Variants in SHC4 observed in about 807,000 individuals in gnomAD.
The protein encoded by SHC4 is SHC-transforming protein 4.
SHC4 carries 41 observed loss-of-function variants against 69.4 expected under a neutral mutation model. The ratio of observed to expected loss-of-function variants is 0.59; its 90% CI spans 0.46 to 0.77. The LOEUF (loss-of-function observed/expected upper bound fraction) is 0.77, where lower values mean the gene tolerates loss of function less well. Ranked by LOEUF, SHC4 falls within the 30% of genes least tolerant of loss-of-function variation. The pLI, the probability that SHC4 is intolerant of heterozygous loss-of-function variation, is 0.00. For missense variants in SHC4, 777 were observed against 783.8 expected (o/e 0.99, Z 0.10); for synonymous variants, 318 against 299.3 (o/e 1.06, Z -0.64).
intron 6 of SHC4, among the ~76,000 whole-genome samples, chr15:48,863,425 T>C (rs1468080559): frequency 3.3e-5 from 5 of 152,210 alleles, no homozygotes; most frequent in African/African-American, 7.2e-5. Flanking sequence ...TTAGCTTTAA[T>C]TGCTGCATCA....
intron 2 of SHC4, among the ~76,000 whole-genome samples, chr15:48,911,650 G>C (rs1378694120): frequency 6.6e-6 from 1 of 151,890 alleles, no homozygotes; most frequent in Non-Finnish European, 1.5e-5. Flanking sequence ...TTTTGTTGTT[G>C]TTGTTTTTGC....
chr15:48,962,946 T>C lies in SHC4; in HGVS notation c.70A>G (p.Met24Val), dbSNP rs1901571734. 1 of 1,613,138 alleles carries C rather than the reference T, an allele frequency of 6.2e-7. No individual in the cohort carries two copies. The highest frequency in any genetic ancestry group is 8.5e-7 in the Non-Finnish European group (1 of 1,180,000). Residue 24 changes from methionine (M) to valine (V), a missense_variant, in exon 1 of 12, where the codon ATG (methionine) becomes GTG (valine). Met to Val is a conservative substitution (Grantham distance 21, BLOSUM62 1). Coordinates refer to ENST00000332408, the MANE Select transcript of SHC4 (RefSeq NM_203349.4). Reference protein sequence around the residue: ...LYVGLFGHPGMLHRAKYSRFR... With the variant: ...LYVGLFGHPGVLHRAKYSRFR... The stretch of plus-strand genomic sequence containing the variant: ...CGGCTGTACTTGGCCCTGTGCAGCA[T>C]CCCGGGGTGCCCGAAGAGTCCTACA...
At chr15:48,930,088 T>C (rs573650695) in intron 1 of SHC4, among the ~76,000 whole-genome samples, 1 of 152,268 alleles carries the variant, frequency 6.6e-6, no homozygotes, top group African/African-American at 2.4e-5. Context: ...GAATGATGAC[T>C]ACAAGCACGC....
intron 2 of SHC4, among the ~76,000 whole-genome samples, chr15:48,905,617 G>A (rs1400717005): frequency 6.6e-6 from 1 of 152,230 alleles, no homozygotes; most frequent in Non-Finnish European, 1.5e-5. Flanking sequence ...GACTCTGCAT[G>A]ATGAAGAAGG....
intron 10 of SHC4, among the ~76,000 whole-genome samples, chr15:48,837,080 G>A (rs1898912728): frequency 6.6e-6 from 1 of 152,176 alleles, no homozygotes; most frequent in Non-Finnish European, 1.5e-5. Flanking sequence ...ATGCATGCAC[G>A]CAGTGTGTGG....
intron 4 of SHC4, chr15:48,876,851 T>C: frequency 3.5e-6 from 1 of 289,264 alleles, no homozygotes; most frequent in Non-Finnish European, 6.7e-6. Flanking sequence ...GACACACCAA[T>C]GATCAATACT....
At chr15:48,910,830 T>C (rs2141016674) in intron 2 of SHC4, among the ~76,000 whole-genome samples, 1 of 152,304 alleles carries the variant, frequency 6.6e-6, no homozygotes, top group South Asian at 2.1e-4. Context: ...ACCCAAATGC[T>C]CATGCAAGAG....
chr15:48,937,478 T>C (rs1005244930), intron 1 of SHC4, among the ~76,000 whole-genome samples: 1 of 152,248 alleles, frequency 6.6e-6, no homozygotes, highest in South Asian at 2.1e-4. Context: ...AAAGCTGCTG[T>C]TCCATGTCAT....
chr15:48,873,713 C>T (rs1366290101), intron 4 of SHC4, among the ~76,000 whole-genome samples: 4 of 152,048 alleles, frequency 2.6e-5, no homozygotes, highest in African/African-American at 9.7e-5. Flanking sequence ...TGCACTCCAG[C>T]CTGGGCTACA....
intron 2 of SHC4, among the ~76,000 whole-genome samples, chr15:48,923,316 C>T (rs1417572212): frequency 6.6e-6 from 1 of 152,034 alleles, no homozygotes; most frequent in East Asian, 1.9e-4. Flanking sequence ...TTTGGGAGTC[C>T]AAGGCAGGTG....
intron 1 of SHC4, among the ~76,000 whole-genome samples, chr15:48,949,591 C>A (rs953949834): frequency 1.3e-5 from 2 of 151,966 alleles, no homozygotes; most frequent in African/African-American, 4.8e-5. Context: ...TGCTCAGACA[C>A]CTAAACTTCT....
chr15:48,912,744 C>T lies in SHC4; in HGVS notation c.656+12135G>A, dbSNP rs187899813. On this transcript the variant is annotated intron_variant, in intron 2 of 11. Transcript: ENST00000332408. ...CTCCGTCAGAGGGAAGGTCTAGGGC[C>T]GAAGGCTGTTGTTCAGATTCTTTTG... 4.7e-3 allele frequency among the ~76,000 whole-genome samples: 721 copies of T among 152,244 alleles called. 1 individual carries two copies. The highest frequency in any genetic ancestry group is 7.7e-3 in the Non-Finnish European group (527 of 68,016).
At chr15:48,827,274 T>C (rs1039356651) in intron 11 of SHC4, among the ~76,000 whole-genome samples, 3 of 152,230 alleles carry the variant, frequency 2.0e-5, no homozygotes, top group Non-Finnish European at 4.4e-5. Context: ...AATTTGAATA[T>C]GGACTATGAC....
At chr15:48,927,364 T>A (rs1595760487) in intron 1 of SHC4, among the ~76,000 whole-genome samples, 1 of 152,018 alleles carries the variant, frequency 6.6e-6, no homozygotes, top group South Asian at 2.1e-4. Context: ...CCCCAGGAGG[T>A]CTTGTTGGTG....
At chr15:48,876,450 TATACAC>T in intron 4 of SHC4, 3 of 320,252 alleles carry the variant, frequency 9.4e-6, no homozygotes, top group African/African-American at 2.6e-5. Flanking sequence ...TACATATATA[TATACAC>T]ACACACACAC....
intron 6 of SHC4, among the ~76,000 whole-genome samples, chr15:48,864,189 G>A (rs772632871): frequency 2.6e-5 from 4 of 152,070 alleles, no homozygotes; most frequent in Non-Finnish European, 5.9e-5. Context: ...GCCAGGTATT[G>A]AAATGTTTGC....
intron 1 of SHC4, among the ~76,000 whole-genome samples, chr15:48,953,491 T>C (rs572417292): frequency 1.3e-4 from 20 of 152,320 alleles, no homozygotes; most frequent in African/African-American, 4.3e-4. Flanking sequence ...TCAATACTGA[T>C]GCTTGCTACT....
At chr15:48,858,179 C>T (rs1899368953) in intron 6 of SHC4, among the ~76,000 whole-genome samples, 2 of 152,048 alleles carry the variant, frequency 1.3e-5, no homozygotes, top group South Asian at 2.1e-4. Flanking sequence ...ACACAGAAGG[C>T]GAAGTTTGAG....
At chr15:48,861,961 A>G (rs1899452674) in intron 6 of SHC4, among the ~76,000 whole-genome samples, 2 of 152,036 alleles carry the variant, frequency 1.3e-5, no homozygotes, top group African/African-American at 2.4e-5. Context: ...TTTTCCTTTT[A>G]TACTTAGAAA....
Sources: gnomAD v4.1 joint callset for allele counts (sites outside exome capture counted in the v4.1 genomes callset) on GRCh38, gnomAD v4.1.1 for gene constraint, MANE v1.5 for transcripts, NCBI Gene and HGNC (gene_info 2026-07-23, HGNC 2026-07-21) for gene names.